CYP4Z1: variants seen among roughly 807,000 people sequenced by gnomAD.
CYP4Z1 encodes cytochrome P450 4Z1.
Under a neutral mutation model 54.2 loss-of-function variants are expected in CYP4Z1, and 41 were observed. The observed-to-expected ratio is 0.76, with a 90% CI of 0.59 to 0.98. The LOEUF (loss-of-function observed/expected upper bound fraction) is 0.98. Among genes scored for constraint, CYP4Z1 ranks in the 50% least tolerant of loss-of-function variants. CYP4Z1 has a pLI of 0.00. For synonymous variants in CYP4Z1, 163 were observed against 206.2 expected (o/e 0.79, Z 1.79); for missense variants, 513 against 599.0 (o/e 0.86, Z 1.50).
intron 6 of CYP4Z1, among the ~76,000 whole-genome samples, chr1:47,085,549 T>A (rs1358037674): frequency 1.3e-5 from 2 of 152,300 alleles, no homozygotes; most frequent in East Asian, 3.9e-4. Context: ...ATGCTTCTAG[T>A]CTTAAGATCT....
chr1:47,084,597 A>G, intron 4 of CYP4Z1, 23 bp from the exon 5 acceptor site: 1 of 1,544,132 alleles, frequency 6.5e-7, no homozygotes, highest in Admixed American at 1.9e-5. Context: ...GTGTATGATC[A>G]TGATATTCAT....
At chr1:47,110,263 A>G (rs1393857840) in intron 9 of CYP4Z1, among the ~76,000 whole-genome samples, 3 of 150,832 alleles carry the variant, frequency 2.0e-5, no homozygotes, top group Non-Finnish European at 4.4e-5. Flanking sequence ...TAAATAATTC[A>G]CAATCACTAA....
intron 11 of CYP4Z1, 83 bp from the exon 12 acceptor site, chr1:47,117,683 C>A: frequency 7.1e-7 from 1 of 1,407,154 alleles, no homozygotes; most frequent in South Asian, 1.7e-5. Context: ...CTACAAAAGT[C>A]GTCATATATA....
At chr1:47,117,345 A>G (rs1443528095) in intron 11 of CYP4Z1, among the ~76,000 whole-genome samples, 1 of 152,166 alleles carries the variant, frequency 6.6e-6, no homozygotes, top group Non-Finnish European at 1.5e-5. Context: ...ATGGGCCCCA[A>G]AATAATAGAG....
chr1:47,086,405 A>T (rs1644595105), intron 6 of CYP4Z1, among the ~76,000 whole-genome samples: 1 of 152,156 alleles, frequency 6.6e-6, no homozygotes, highest in Non-Finnish European at 1.5e-5. Flanking sequence ...GTGAGATGGT[A>T]TCTCATTGTG....
At chr1:47,058,158 C>A in the CYP4Z1 span, among the ~76,000 whole-genome samples, 3 of 152,048 alleles carry the variant, frequency 2.0e-5, no homozygotes, top group Non-Finnish European at 4.4e-5. Context: ...CATATTTTCT[C>A]TCTATGAAAT....
intron 6 of CYP4Z1, among the ~76,000 whole-genome samples, chr1:47,087,671 T>C (rs903168070): frequency 2.0e-5 from 3 of 152,224 alleles, no homozygotes; most frequent in African/African-American, 4.8e-5. Context: ...CTTTCCCTAA[T>C]TGAATGCCCT....
chr1:47,084,444 G>A (rs1644576907), intron 4 of CYP4Z1, among the ~76,000 whole-genome samples, 176 bp from the exon 5 acceptor site: 1 of 151,864 alleles, frequency 6.6e-6, no homozygotes, highest in African/African-American at 2.4e-5. Flanking sequence ...CTAAGGCACA[G>A]TATCATTTTC....
chr1:47,093,487 A>G (rs911465614), intron 6 of CYP4Z1, among the ~76,000 whole-genome samples: 2 of 152,246 alleles, frequency 1.3e-5, no homozygotes, highest in African/African-American at 4.8e-5. Flanking sequence ...AGACTGTGTC[A>G]TTTTTGGGCA....
At chr1:47,117,612 G>A (rs6664392) in intron 11 of CYP4Z1, among the ~76,000 whole-genome samples, 154 bp from the exon 12 acceptor site, 64,867 of 151,630 alleles carry the variant, frequency 0.43, 15,207 homozygotes, top group East Asian at 0.97. Flanking sequence ...TATTAGCTGG[G>A]CATCATGGTG....
At chr1:47,087,308 T>G (rs1644603556) in intron 6 of CYP4Z1, among the ~76,000 whole-genome samples, 2 of 151,212 alleles carry the variant, frequency 1.3e-5, no homozygotes, top group African/African-American at 4.8e-5. Context: ...TTCACGATAT[T>G]GATTCTTCCT....
Position 47,103,857 on chromosome 1 carries a change from A to G in CYP4Z1, c.1068-2271A>G, listed in dbSNP as rs1480949726. ...GTTATCCTCCTGCCTCTGCCTCCCA[A>G]AGTGCTGGGATTACAGACATGAGGC... On this transcript the variant is annotated intron_variant, in intron 8 of 11. Transcript: ENST00000334194. 2.0e-5 allele frequency among the ~76,000 whole-genome samples: 3 copies of G among 151,678 alleles called. No individual in the cohort carries two copies. In the East Asian group the frequency reaches 5.9e-4, roughly 30 times the overall value.
At chr1:47,095,975 C>T (rs980661266) in intron 7 of CYP4Z1, among the ~76,000 whole-genome samples, 2 of 152,158 alleles carry the variant, frequency 1.3e-5, no homozygotes, top group African/African-American at 2.4e-5. Context: ...AATAAATACT[C>T]TGTGAACTCA....
chr1:47,101,065 T>C (rs1298946842), intron 8 of CYP4Z1, among the ~76,000 whole-genome samples: 3 of 152,234 alleles, frequency 2.0e-5, no homozygotes, highest in East Asian at 3.8e-4. Context: ...TAATAGTCTC[T>C]AGTGACCTTT....
intron 10 of CYP4Z1, 76 bp from the exon 11 acceptor site, chr1:47,116,574 C>CGTTTTT (rs925836180): frequency 1.2e-5 from 7 of 590,852 alleles, no homozygotes; most frequent in Non-Finnish European, 1.8e-5. Context: ...CTATGGATTT[C>CGTTTTT]GTTTTTGTTT....
intron 8 of CYP4Z1, among the ~76,000 whole-genome samples, chr1:47,101,897 T>A (rs773433990): frequency 1.3e-5 from 2 of 152,116 alleles, no homozygotes; most frequent in Non-Finnish European, 2.9e-5. Context: ...TGAAAGTGTA[T>A]CTCTTTAGAT....
intron 8 of CYP4Z1, among the ~76,000 whole-genome samples, chr1:47,105,832 T>C (rs6675902): frequency 0.43 from 65,346 of 151,924 alleles, 15,411 homozygotes; most frequent in East Asian, 0.96. Context: ...ATACAGTCCA[T>C]GTCTCTACCA....
intron 6 of CYP4Z1, among the ~76,000 whole-genome samples, chr1:47,089,839 G>A (rs1302975281): frequency 9.3e-4 from 142 of 152,286 alleles, no homozygotes; most frequent in African/African-American, 3.2e-3. Context: ...AAGAATTGTC[G>A]TCCAATGCCC....
At chr1:47,062,028 T>A in the CYP4Z1 span, among the ~76,000 whole-genome samples, 8 of 152,192 alleles carry the variant, frequency 5.3e-5, no homozygotes, top group Non-Finnish European at 1.0e-4. Flanking sequence ...TGAGGAACAT[T>A]CCTCAAAATA....
Sources: gnomAD v4.1 joint callset for allele counts (sites outside exome capture counted in the v4.1 genomes callset) on GRCh38, gnomAD v4.1.1 for gene constraint, MANE v1.5 for transcripts, NCBI Gene and HGNC (gene_info 2026-07-23, HGNC 2026-07-21) for gene names.